Variants in ZFHX4 observed in about 807,000 individuals in gnomAD.
ZFHX4 encodes the protein zinc finger homeobox protein 4.
A neutral mutation model predicts 267.6 loss-of-function variants in ZFHX4; 56 were observed. The observed-to-expected ratio is 0.21, with a 90% CI of 0.17 to 0.26. ZFHX4 has a LOEUF of 0.26. Among genes scored for constraint, ZFHX4 ranks in the 10% least tolerant of loss-of-function variants. The probability of loss-of-function intolerance (pLI) is 1.00; values close to 1 mark genes in which losing one functional copy is unlikely to be tolerated. For missense variants in ZFHX4, 4,332 were observed against 4,420.0 expected, an observed-to-expected ratio of 0.98 and a Z score of 0.56; for synonymous variants, 1,778 against 1,665.6, an observed-to-expected ratio of 1.07 and a Z score of -1.64.
In ZFHX4 at chr8:76,705,687, A is replaced by G. The variant is rs918262094; in HGVS notation, c.1599A>G (p.Thr533=). ...SSSSATVSDD[T]EKKKQTAAVR... is the part of the protein sequence containing the mutation. ...CCTCGGCGACTGTTTCTGATGACAC[A>G]GAAAAGAAAAAACAGACTGCTGCTG... is the stretch of plus-strand genomic sequence containing the variant. The change falls in exon 2 of 11, where the codon ACA becomes ACG. Residue 533 remains threonine, a synonymous_variant. Transcript: ENST00000651372. 9 of 1,613,928 alleles carry G rather than the reference A, an allele frequency of 5.6e-6. No individual in the cohort carries two copies. In the African/African-American group the frequency reaches 9.3e-5, roughly 17 times the overall value.
At position 76,759,584 on chromosome 8, in the gene ZFHX4, T is replaced by C. The variant is rs541575752; in HGVS notation, c.3094-18624T>C. Among the ~76,000 whole-genome samples, 13 of 152,316 alleles carry C rather than the reference T, an allele frequency of 8.5e-5. 1 individual carries two copies. In the South Asian group the frequency reaches 1.7e-3, roughly 19 times the overall value. On this transcript the variant is annotated intron_variant, in intron 3 of 10. Coordinates refer to ENST00000651372, the MANE Select transcript of ZFHX4 (RefSeq NM_024721.5). ...TTGAGCACTCCATTATTCTAGGAGA[T>C]GGAACTGCAGCCATCTGGAAGAGCA...
In ZFHX4 at chr8:76,851,190, T is replaced by G; in HGVS notation, c.4269T>G (p.Ala1423=). Residue 1423 remains alanine (A), a synonymous_variant, in exon 10 of 11, where the codon GCT becomes GCG. Coordinates refer to ENST00000651372, the MANE Select transcript of ZFHX4 (RefSeq NM_024721.5). ...QIHSQYHAIR[A]ATMCNLCQRS... Reference sequence around the variant, plus strand: ...ATTCCCAGTATCATGCAATTCGGGCTGCGACAATGTGTAACCTCTGCCAGC... The same window carrying G: ...ATTCCCAGTATCATGCAATTCGGGCGGCGACAATGTGTAACCTCTGCCAGC... 1 of 1,613,946 alleles carries G rather than the reference T, an allele frequency of 6.2e-7. No individual in the cohort carries two copies.
Position 76,780,087 on chromosome 8 carries a change from C to T in ZFHX4, c.3325+1648C>T, listed in dbSNP as rs905818829. ...AAAAAAACACAAAAGCATGGTAACCCATCATCAGTCTTTGGTAGGTTTTAC... is the reference window on the plus strand; with the variant it reads ...AAAAAAACACAAAAGCATGGTAACCTATCATCAGTCTTTGGTAGGTTTTAC... On this transcript the variant is annotated intron_variant, in intron 4 of 10. Coordinates refer to ENST00000651372, the MANE Select transcript of ZFHX4 (RefSeq NM_024721.5). Among the ~76,000 whole-genome samples the T allele has an allele frequency of 3.4e-4, 51 of 151,628 alleles. 1 individual carries two copies. Among genetic ancestry groups the T allele is most frequent in the Admixed American group, 2.9e-3 (44 of 15,230 alleles).
Position 76,864,354 on chromosome 8 carries a change from C to G in ZFHX4, c.10640C>G (p.Ser3547Cys), listed in dbSNP as rs1055136491. The part of the protein sequence containing the change: ...RAASPPSSPP[S>C]LSLPSTVTSS... ...GCTTCTCCCCCTTCTTCTCCTCCTT[C>G]CCTTTCCTTGCCTTCAACGGTTACC... The change falls in exon 11 of 11, where the codon TCC becomes TGC. Residue 3547 changes from serine (S) to cysteine (C), a missense_variant. Transcript: ENST00000651372. 19 of 1,613,884 alleles carry G rather than the reference C, an allele frequency of 1.2e-5. No individual in the cohort carries two copies. The East Asian group carries it at 4.0e-4, about 34-fold the overall frequency.
chr8:76,812,252 T>G (rs1178377449), intron 4 of ZFHX4, among the ~76,000 whole-genome samples: 1 of 152,232 alleles, frequency 6.6e-6, no homozygotes, highest in Non-Finnish European at 1.5e-5. Context: ...TCTAATTAAG[T>G]AAATGCTTTT....
chr8:76,772,741 T>C (rs559309558), intron 3 of ZFHX4, among the ~76,000 whole-genome samples: 7 of 152,300 alleles, frequency 4.6e-5, no homozygotes, highest in Non-Finnish European at 7.4e-5. Flanking sequence ...ATTAGCCTGC[T>C]ATTCAATGTA....
chr8:76,816,077 A>T (rs1216105359), intron 4 of ZFHX4, among the ~76,000 whole-genome samples: 1 of 151,926 alleles, frequency 6.6e-6, no homozygotes. Flanking sequence ...ACCTAGGTCC[A>T]CTCCCTCATT....
At chr8:76,798,813 A>C (rs1811047480) in intron 4 of ZFHX4, among the ~76,000 whole-genome samples, 1 of 152,038 alleles carries the variant, frequency 6.6e-6, no homozygotes, top group Non-Finnish European at 1.5e-5. Context: ...TTTGGATGCC[A>C]CCTCTTTTTT....
chr8:76,747,651 G>T (rs1809494896), intron 3 of ZFHX4, among the ~76,000 whole-genome samples: 1 of 152,146 alleles, frequency 6.6e-6, no homozygotes, highest in African/African-American at 2.4e-5. Context: ...AAGAATAAAG[G>T]CCAGGCACAG....
intron 5 of ZFHX4, among the ~76,000 whole-genome samples, chr8:76,839,072 AG>A (rs1812167838): frequency 6.8e-6 from 1 of 147,464 alleles, no homozygotes; most frequent in African/African-American, 2.6e-5. Context: ...AGAGAGAGAG[AG>A]AGAGAGAGAG....
intron 4 of ZFHX4, among the ~76,000 whole-genome samples, chr8:76,824,572 A>C (rs1811736998): frequency 6.6e-6 from 1 of 152,042 alleles, no homozygotes; most frequent in African/African-American, 2.4e-5. Flanking sequence ...ATTTTAGTTT[A>C]TTTTTATTTT....
intron 3 of ZFHX4, among the ~76,000 whole-genome samples, chr8:76,755,396 C>A (rs138340239): frequency 0.011 from 1,623 of 152,096 alleles, 15 homozygotes; most frequent in Non-Finnish European, 0.016. Flanking sequence ...AATATTTTTT[C>A]TTTTCTTGAG....
chr8:76,700,445 C>T (rs1484981463), intron 1 of ZFHX4, among the ~76,000 whole-genome samples: 1 of 152,118 alleles, frequency 6.6e-6, no homozygotes, highest in Non-Finnish European at 1.5e-5. Flanking sequence ...GTAAAACTGG[C>T]CTCTCTGATT....
intron 3 of ZFHX4, among the ~76,000 whole-genome samples, chr8:76,742,874 T>C (rs1809357047): frequency 6.6e-6 from 1 of 152,166 alleles, no homozygotes. Flanking sequence ...CCGAGGTGTA[T>C]TATCGCCTGA....
At chr8:76,850,043 G>T (rs1164588094) in intron 8 of ZFHX4, 1 of 584,990 alleles carries the variant, frequency 1.7e-6, no homozygotes, top group East Asian at 2.8e-5. Context: ...GAACCTTTAA[G>T]CCATAATAAT....
intron 1 of ZFHX4, among the ~76,000 whole-genome samples, chr8:76,686,137 C>T (rs1457798973): frequency 6.6e-6 from 1 of 152,178 alleles, no homozygotes; most frequent in Non-Finnish European, 1.5e-5. Flanking sequence ...CGCACAGCTG[C>T]ACGAATTTCA....
At chr8:76,764,052 G>A (rs1289742221) in intron 3 of ZFHX4, among the ~76,000 whole-genome samples, 2 of 152,144 alleles carry the variant, frequency 1.3e-5, no homozygotes, top group African/African-American at 4.8e-5. Flanking sequence ...GAATATTGGA[G>A]CATTTAGACT....
Position 76,704,685 on chromosome 8 carries a change from A to T in ZFHX4, c.597A>T (p.Ser199=), listed in dbSNP as rs191883247. ...TCATCAACACTTTTCATATCGCTTC[A>T]TCCCTCGGGAAACCATTTACAGCCG... ...PQIINTFHIA[S]SLGKPFTADQ... Residue 199 remains serine, a synonymous_variant, in exon 2 of 11, where the codon TCA becomes TCT. Coordinates refer to ENST00000651372, the MANE Select transcript of ZFHX4 (RefSeq NM_024721.5). The T allele has an allele frequency of 1.6e-4, 251 of 1,613,992 alleles. 1 individual carries two copies. The African/African-American group carries it at 2.8e-3, about 18-fold the overall frequency.
intron 3 of ZFHX4, among the ~76,000 whole-genome samples, chr8:76,725,175 G>A (rs1808820276): frequency 1.3e-5 from 2 of 151,978 alleles, no homozygotes; most frequent in Admixed American, 1.3e-4. Context: ...AGATGCATTG[G>A]CAGCTACCTT....
Sources: gnomAD v4.1 joint callset for allele counts (sites outside exome capture counted in the v4.1 genomes callset) on GRCh38, gnomAD v4.1.1 for gene constraint, MANE v1.5 for transcripts, NCBI Gene and HGNC (gene_info 2026-07-23, HGNC 2026-07-21) for gene names.